Variants in VPS37A observed in about 807,000 individuals in gnomAD.
The protein encoded by VPS37A is vacuolar protein sorting-associated protein 37A.
VPS37A carries 30 observed loss-of-function variants against 49.8 expected under a neutral mutation model. The observed-to-expected ratio is 0.60, with a 90% CI of 0.45 to 0.82. VPS37A has a LOEUF of 0.82. VPS37A is among the 40% of genes least tolerant of loss of function. The pLI is 0.00. For synonymous variants in VPS37A, 195 were observed against 160.6 expected, an observed-to-expected ratio of 1.21 and a Z score of -1.62; for missense variants, 593 against 464.4, an observed-to-expected ratio of 1.28 and a Z score of -2.55.
rs1315141010 is a variant in VPS37A at position 17,297,117 on chromosome 8, G to A, written c.*2131G>A. ...GGAGAAGCAGTGCCACAGGAAAAATGAAATGCATGTGAAAGTTTGTATTCT... is the reference window on the plus strand; with the variant it reads ...GGAGAAGCAGTGCCACAGGAAAAATAAAATGCATGTGAAAGTTTGTATTCT... On this transcript the variant is annotated 3_prime_UTR_variant, in exon 12 of 12. Transcript: ENST00000324849. The A allele has an allele frequency of 6.6e-6, 1 of 152,120 alleles. No homozygotes were observed. The highest frequency in any genetic ancestry group is 2.4e-5 in the African/African-American group (1 of 41,434). The allele number at this position is 152,120 out of a possible 1,614,324, so 9.4% of individuals were successfully genotyped here. A position where few individuals can be genotyped will look rare whatever the true frequency, so the allele number is the denominator to read the frequency against.
At chr8:17,291,920 A>G (rs10096891) in intron 11 of VPS37A, among the ~76,000 whole-genome samples, 35,055 of 152,006 alleles carry the variant, frequency 0.23, 5,186 homozygotes, top group East Asian at 0.61. Flanking sequence ...AATAATTGCT[A>G]TGTGGTGCTG....
chr8:17,306,974 C>A (rs59354233), downstream of VPS37A, among the ~76,000 whole-genome samples: 2 of 152,144 alleles, frequency 1.3e-5, no homozygotes, highest in Non-Finnish European at 2.9e-5. Flanking sequence ...AGGACATAGG[C>A]ATGGGCAAGG....
chr8:17,264,895 T>C (rs1372739461), intron 1 of VPS37A, among the ~76,000 whole-genome samples: 1 of 152,222 alleles, frequency 6.6e-6, no homozygotes. Flanking sequence ...TGTATTATAG[T>C]TGTAATAATA....
intron 9 of VPS37A, among the ~76,000 whole-genome samples, chr8:17,283,258 C>G (rs761424149): frequency 6.6e-6 from 1 of 152,036 alleles, no homozygotes. Flanking sequence ...CAGGCTCAAG[C>G]GATCCTCCCA....
chr8:17,329,078 T>C, the VPS37A span, among the ~76,000 whole-genome samples: 1 of 152,214 alleles, frequency 6.6e-6, no homozygotes, highest in Non-Finnish European at 1.5e-5. Context: ...TCTATTCTGA[T>C]TATATCCATA....
chr8:17,302,583 C>A (rs947033791), downstream of VPS37A, among the ~76,000 whole-genome samples: 6 of 150,108 alleles, frequency 4.0e-5, no homozygotes, highest in Admixed American at 6.7e-5. Context: ...GAAAATGGCT[C>A]TTAGTTTTGA....
chr8:17,332,116 T>C, the VPS37A span, among the ~76,000 whole-genome samples: 1 of 152,142 alleles, frequency 6.6e-6, no homozygotes, highest in Non-Finnish European at 1.5e-5. Flanking sequence ...ATTAAGCAGG[T>C]CATCACATCC....
At chr8:17,326,271 G>A in the VPS37A span, 1 of 152,180 alleles carries the variant, frequency 6.6e-6, no homozygotes, top group Non-Finnish European at 1.5e-5. Flanking sequence ...CTCAGGCTCT[G>A]TGCCTCAATT....
chr8:17,247,522 C>T, intron 1 of VPS37A, 153 bp downstream of exon 1: 2 of 1,080,862 alleles, frequency 1.9e-6, no homozygotes, highest in Non-Finnish European at 2.7e-6. Flanking sequence ...TCTGCCACTC[C>T]TGCCCCCTTT....
chr8:17,271,464 G>C (rs1478967224), intron 4 of VPS37A, among the ~76,000 whole-genome samples: 2 of 152,084 alleles, frequency 1.3e-5, no homozygotes, highest in African/African-American at 4.8e-5. Flanking sequence ...AAGTTAGCTG[G>C]GCATGGTGGT....
intron 1 of VPS37A, among the ~76,000 whole-genome samples, chr8:17,263,059 CAAA>C (rs11311080): frequency 1.1e-4 from 10 of 92,650 alleles, no homozygotes; most frequent in East Asian, 2.4e-4. Flanking sequence ...AACCCCATCT[CAAA>C]AAAAAAAAAA....
At chr8:17,248,930 T>G (rs1198565230) in intron 1 of VPS37A, among the ~76,000 whole-genome samples, 1 of 152,364 alleles carries the variant, frequency 6.6e-6, no homozygotes, top group East Asian at 1.9e-4. Flanking sequence ...GTACTGACCT[T>G]TAAGAGCTAC....
intron 1 of VPS37A, among the ~76,000 whole-genome samples, chr8:17,261,781 G>A (rs1289163519): frequency 6.6e-6 from 1 of 152,172 alleles, no homozygotes. Context: ...GCTGGCAAAC[G>A]GTTCCTGCCC....
At chr8:17,300,835 T>C (rs1817062759), downstream of VPS37A, among the ~76,000 whole-genome samples, 1 of 152,232 alleles carries the variant, frequency 6.6e-6, no homozygotes, top group African/African-American at 2.4e-5. Flanking sequence ...ATTTGCCTAG[T>C]CTAGATGTTT....
At chr8:17,268,518 A>G in intron 3 of VPS37A, 146 bp downstream of exon 3, 5 of 625,104 alleles carry the variant, frequency 8.0e-6, no homozygotes, top group Non-Finnish European at 1.3e-5. Context: ...ACTACGCCTT[A>G]AAGTTCTTAC....
chr8:17,311,555 T>A, the VPS37A span: 1 of 1,613,986 alleles, frequency 6.2e-7, no homozygotes, highest in Middle Eastern at 1.6e-4. Context: ...AGCAGCAGGC[T>A]TGCCACCGAG....
chr8:17,287,870 G>T (rs1036004420), intron 11 of VPS37A, among the ~76,000 whole-genome samples: 1 of 152,070 alleles, frequency 6.6e-6, no homozygotes, highest in African/African-American at 2.4e-5. Context: ...TTGGTATCCT[G>T]TGGTCCTCTG....
chr8:17,278,713 G>T lies in VPS37A; in HGVS notation c.714-1315G>T, dbSNP rs150409271. Among the ~76,000 whole-genome samples, 8 of 152,104 alleles carry T rather than the reference G, an allele frequency of 5.3e-5. No individual in the cohort carries two copies. In the East Asian group the frequency reaches 1.5e-3, roughly 29 times the overall value. ...TAAATTTTTGTTTTTGTTTTTTACA[G>T]TTCTGTTGTCTTTAGGATATGACAT... On this transcript the variant is annotated intron_variant, in intron 6 of 11. Transcript: ENST00000324849.
chr8:17,247,200 C>A lies in VPS37A; in HGVS notation c.-45C>A. 5.8e-6 allele frequency: 9 copies of A among 1,556,536 alleles called. No homozygotes were observed. Among genetic ancestry groups the A allele is most frequent in the Non-Finnish European group, 7.8e-6 (9 of 1,150,284 alleles). On this transcript the variant is annotated 5_prime_UTR_variant, in exon 1 of 12. Transcript: ENST00000324849. The stretch of plus-strand genomic sequence containing the variant: ...CGCCGGGCCGAGCCACTGGGAGAAG[C>A]AGGCCAGAGCCTTCCAGGGCCTCCG...
Sources: allele counts gnomAD v4.1 joint callset (sites outside exome capture counted in the v4.1 genomes callset), GRCh38; gene constraint gnomAD v4.1.1; transcripts MANE v1.5; gene names NCBI Gene and HGNC (gene_info 2026-07-23, HGNC 2026-07-21).